PTPRN2: variants seen among roughly 807,000 people sequenced by gnomAD.
PTPRN2 encodes the protein receptor-type tyrosine-protein phosphatase N2.
PTPRN2 carries 74 observed loss-of-function variants against 118.8 expected under a neutral mutation model. The ratio of observed to expected loss-of-function variants is 0.62; its 90% CI spans 0.52 to 0.76. The LOEUF (loss-of-function observed/expected upper bound fraction) is 0.76. Among genes scored for constraint, PTPRN2 ranks in the 30% least tolerant of loss-of-function variants. The pLI, the probability that PTPRN2 is intolerant of heterozygous loss-of-function variation, is 0.00. For missense variants in PTPRN2, 1,481 were observed against 1,394.4 expected, an observed-to-expected ratio of 1.06 and a Z score of -0.99; for synonymous variants, 641 against 608.0, an observed-to-expected ratio of 1.05 and a Z score of -0.80.
chr7:157,542,892 G>A (rs946991533), intron 22 of PTPRN2, among the ~76,000 whole-genome samples: 1 of 152,218 alleles, frequency 6.6e-6, no homozygotes, highest in Non-Finnish European at 1.5e-5. Context: ...CAGAGCTGGC[G>A]TTTGAGGGGA....
At chr7:158,445,640 G>A (rs1817672256) in intron 2 of PTPRN2, among the ~76,000 whole-genome samples, 1 of 152,236 alleles carries the variant, frequency 6.6e-6, no homozygotes, top group Non-Finnish European at 1.5e-5. Flanking sequence ...AAAGGTGCAG[G>A]GCTGAACGCA....
intron 12 of PTPRN2, among the ~76,000 whole-genome samples, chr7:157,788,306 C>T (rs983355103): frequency 7.0e-6 from 1 of 142,996 alleles, no homozygotes; most frequent in Non-Finnish European, 1.5e-5. Flanking sequence ...ACCTGGGAGG[C>T]GGAGGTTGCA....
intron 6 of PTPRN2, among the ~76,000 whole-genome samples, chr7:158,151,137 T>A (rs1205164511): frequency 1.1e-5 from 1 of 88,732 alleles, no homozygotes; most frequent in African/African-American, 4.9e-5. Context: ...CCGCCCGCCT[T>A]TCTATTCCTG....
At chr7:157,872,114 T>C (rs1584920908) in intron 12 of PTPRN2, among the ~76,000 whole-genome samples, 2 of 73,660 alleles carry the variant, frequency 2.7e-5, no homozygotes, top group African/African-American at 1.2e-4. Context: ...ACCCAGCGCC[T>C]CCCCACACAC....
chr7:157,914,041 C>G (rs4716804), intron 11 of PTPRN2, among the ~76,000 whole-genome samples: 73,649 of 151,996 alleles, frequency 0.48, 19,063 homozygotes, highest in Admixed American at 0.62. Context: ...TCTAACATTT[C>G]AAATATATGG....
At chr7:158,181,937 A>ATTTC (rs34413987) in intron 5 of PTPRN2, among the ~76,000 whole-genome samples, 94,757 of 151,362 alleles carry the variant, frequency 0.63, 30,727 homozygotes, top group East Asian at 0.84. Flanking sequence ...GATCTTTGTT[A>ATTTC]TTTTCTTCTT....
intron 12 of PTPRN2, among the ~76,000 whole-genome samples, chr7:157,718,092 C>T (rs965098612): frequency 1.3e-5 from 2 of 152,166 alleles, no homozygotes; most frequent in African/African-American, 2.4e-5. Flanking sequence ...TTATAAATTA[C>T]CTTTTGTAAT....
Position 157,578,067 on chromosome 7 carries a change from T to C in PTPRN2, c.2570A>G (p.Tyr857Cys). The C allele has an allele frequency of 6.2e-7, 1 of 1,613,648 alleles. No homozygotes were observed. The highest frequency in any genetic ancestry group is 1.1e-5 in the South Asian group (1 of 91,072). ...GGAGCCTTCATCCGGCCAGTAGTGG[T>C]AGCACTGCCGGACGCCGTTCTCCGC... is the stretch of plus-strand genomic sequence containing the variant. ...PLAENGVRQC[Y>C]HYWPDEGSNL... Residue 857 changes from tyrosine (Y) to cysteine (C), a missense_variant, in exon 18 of 23, where the codon TAC becomes TGC. Transcript: ENST00000389418.
chr7:157,991,465 G>A (rs954742986), intron 11 of PTPRN2, among the ~76,000 whole-genome samples: 7 of 152,172 alleles, frequency 4.6e-5, no homozygotes, highest in Non-Finnish European at 8.8e-5. Flanking sequence ...TCCTCTACAC[G>A]TCCTCTTCAC....
intron 12 of PTPRN2, among the ~76,000 whole-genome samples, chr7:157,691,839 C>T (rs890135786): frequency 5.3e-5 from 8 of 152,168 alleles, no homozygotes; most frequent in African/African-American, 1.9e-4. Flanking sequence ...GGTCTCGGGG[C>T]GACTAGGACC....
chr7:157,695,428 T>A (rs1245481132), intron 12 of PTPRN2, among the ~76,000 whole-genome samples: 1 of 152,090 alleles, frequency 6.6e-6, no homozygotes, highest in Non-Finnish European at 1.5e-5. Context: ...ATACTTTTGA[T>A]TTCTAAATCC....
intron 2 of PTPRN2, among the ~76,000 whole-genome samples, chr7:158,340,520 T>G (rs201978281): frequency 2.7e-5 from 2 of 74,300 alleles, no homozygotes; most frequent in African/African-American, 5.2e-5. Context: ...CACACCCACA[T>G]TCTCACCATA....
chr7:157,803,121 C>T (rs1417512328), intron 12 of PTPRN2, among the ~76,000 whole-genome samples: 1 of 152,082 alleles, frequency 6.6e-6, no homozygotes, highest in Non-Finnish European at 1.5e-5. Context: ...CCCGCCATCA[C>T]ACCCAGCTAA....
chr7:158,383,564 C>CA (rs1344324023), intron 2 of PTPRN2, among the ~76,000 whole-genome samples: 2 of 152,016 alleles, frequency 1.3e-5, no homozygotes, highest in African/African-American at 2.4e-5. Context: ...TCCGGGATCC[C>CA]AAAAAATGAT....
intron 2 of PTPRN2, among the ~76,000 whole-genome samples, chr7:158,456,954 C>T (rs993417837): frequency 2.0e-5 from 3 of 152,134 alleles, no homozygotes; most frequent in Non-Finnish European, 4.4e-5. Flanking sequence ...AATGTCATCA[C>T]AAACCCAGTA....
chr7:158,508,264 C>T (rs534565133), intron 1 of PTPRN2, among the ~76,000 whole-genome samples: 2 of 152,340 alleles, frequency 1.3e-5, no homozygotes, highest in South Asian at 2.1e-4. Context: ...ACACTGTGGT[C>T]ATCCGAAAGC....
At chr7:157,942,978 G>A (rs560933900) in intron 11 of PTPRN2, among the ~76,000 whole-genome samples, 5 of 152,248 alleles carry the variant, frequency 3.3e-5, no homozygotes, top group Middle Eastern at 3.4e-3. Context: ...CTCACTTGAC[G>A]AGGATCTGCA....
intron 12 of PTPRN2, among the ~76,000 whole-genome samples, chr7:157,757,102 T>A (rs1801829941): frequency 6.6e-6 from 1 of 152,024 alleles, no homozygotes; most frequent in African/African-American, 2.4e-5. Context: ...AGATAAAAGT[T>A]TTTTTTTAAA....
intron 17 of PTPRN2, among the ~76,000 whole-genome samples, chr7:157,588,056 C>T (rs1800776757): frequency 1.3e-5 from 2 of 152,146 alleles, no homozygotes; most frequent in Non-Finnish European, 2.9e-5. Context: ...TGTCCCTGTG[C>T]CTGGGCTCCA....
Sources: gnomAD v4.1 joint callset for allele counts (sites outside exome capture counted in the v4.1 genomes callset) on GRCh38, gnomAD v4.1.1 for gene constraint, MANE v1.5 for transcripts, NCBI Gene and HGNC (gene_info 2026-07-23, HGNC 2026-07-21) for gene names.